Variants in WNK3 observed in about 807,000 individuals in gnomAD.
The protein encoded by WNK3 is WNK lysine deficient protein kinase 3, also known as serine/threonine-protein kinase WNK3.
WNK3 carries 18 observed loss-of-function variants against 116.7 expected under a neutral mutation model. The ratio of observed to expected loss-of-function variants is 0.15; its 90% CI spans 0.11 to 0.23. The LOEUF (loss-of-function observed/expected upper bound fraction) is 0.23. WNK3 is among the 10% of genes least tolerant of loss of function. WNK3 has a pLI of 1.00. For synonymous variants in WNK3, 404 were observed against 469.4 expected (o/e 0.86, Z 1.80); for missense variants, 993 against 1,323.8 (o/e 0.75, Z 3.88).
At chrX:54,256,030 G>A in intron 11 of WNK3, 143 bp from the exon 12 acceptor site, 1 of 455,568 alleles carries the variant, frequency 2.2e-6, no homozygotes, top group Non-Finnish European at 3.5e-6. Flanking sequence ...GCACAACTCT[G>A]TGAATATACT....
chrX:54,313,371 G>A (rs1248125370), intron 2 of WNK3, among the ~76,000 whole-genome samples: 1 of 104,107 alleles, frequency 9.6e-6, no homozygotes, highest in East Asian at 2.9e-4. Flanking sequence ...TTTTTTTTGA[G>A]ATAGAGTTTT....
chrX:54,241,649 A>G (rs1328608755), intron 17 of WNK3, among the ~76,000 whole-genome samples: 1 of 111,723 alleles, frequency 9.0e-6, no homozygotes, highest in Admixed American at 9.6e-5. Flanking sequence ...CAAACAAATG[A>G]AAAGCATAAG....
At chrX:54,306,731 T>TAC (rs2068829788) in intron 5 of WNK3, among the ~76,000 whole-genome samples, 1 of 111,012 alleles carries the variant, frequency 9.0e-6, no homozygotes, top group Non-Finnish European at 1.9e-5. Flanking sequence ...CCAGGGTAAC[T>TAC]ACAGTCGATA....
intron 23 of WNK3, among the ~76,000 whole-genome samples, chrX:54,200,162 A>G (rs1480692500): frequency 1.8e-5 from 2 of 112,147 alleles, no homozygotes; most frequent in Non-Finnish European, 3.8e-5. Context: ...ATTATAGCCT[A>G]TATCTTTCTT....
chrX:54,302,757 A>ATT (rs782811375), intron 5 of WNK3, among the ~76,000 whole-genome samples: 37 of 43,377 alleles, frequency 8.5e-4, no homozygotes, highest in African/African-American at 2.8e-3. Context: ...ATATATATAT[A>ATT]TTTTTTTTTT....
intron 22 of WNK3, among the ~76,000 whole-genome samples, chrX:54,206,838 T>C (rs1432110207): frequency 1.8e-5 from 2 of 111,584 alleles, no homozygotes; most frequent in Non-Finnish European, 3.8e-5. Context: ...GACACCAGCC[T>C]GACCAACATG....
chrX:54,343,854 T>C lies in WNK3; in HGVS notation c.-119-10062A>G, dbSNP rs1313888433. 1.0e-4 allele frequency among the ~76,000 whole-genome samples: 11 copies of C among 109,246 alleles called. No homozygotes were observed. In the Admixed American group the frequency reaches 1.1e-3, roughly 11 times the overall value. 94.9% of individuals were successfully genotyped at this position (109,246 alleles called of 115,157 possible). On this transcript the variant is annotated intron_variant, in intron 1 of 23. Transcript: ENST00000354646. ...TTTAATTTTTTTTGTAGAGATGAGGTCAAGCCACATTGCCCCGGCTCCTCT... is the reference window on the plus strand; with the variant it reads ...TTTAATTTTTTTTGTAGAGATGAGGCCAAGCCACATTGCCCCGGCTCCTCT...
rs782499802 is a variant in WNK3 at position 54,251,542 on chromosome X, T to C, written c.2513A>G (p.Asn838Ser). 3.3e-6 allele frequency: 4 copies of C among 1,210,968 alleles called. No homozygotes were observed. In the East Asian group the frequency reaches 8.9e-5, roughly 27 times the overall value. The change falls in exon 14 of 24, where the codon AAC (asparagine) becomes AGC (serine). Residue 838 changes from asparagine (N) to serine (S), a missense_variant. Physicochemically the swap from Asn to Ser is conservative, Grantham distance 46. Around this residue, in one of 4 missense-constraint regions of WNK3, gnomAD observed 836 missense variants for 976.5 expected, o/e 0.86. Coordinates refer to ENST00000354646, the Ensembl canonical transcript of WNK3. ...AACAATTGTTCTCACCTGGCTACTG[T>C]TGGAGTCCACAGTAATAGAATCAAC...
At chrX:54,202,897 A>G (rs2067516775) in intron 22 of WNK3, among the ~76,000 whole-genome samples, 1 of 110,765 alleles carries the variant, frequency 9.0e-6, no homozygotes, top group Admixed American at 9.7e-5. Flanking sequence ...AGCCACTTTT[A>G]TAATGGGAAA....
Position 54,293,334 on chromosome X carries a change from A to G in WNK3, c.1694-7T>C. The stretch of plus-strand genomic sequence containing the variant: ...GCCTCAGACAAATTGTCACCTATAA[A>G]AAAAGAAAATAAGTAACAGGTAGAA... On this transcript the variant is annotated splice_region_variant and splice_polypyrimidine_tract_variant and intron_variant, in intron 8 of 23. Transcript: ENST00000354646. 1 of 1,181,508 alleles carries G rather than the reference A, an allele frequency of 8.5e-7. No homozygotes were observed. The highest frequency in any genetic ancestry group is 1.1e-6 in the Non-Finnish European group (1 of 881,900).
chrX:54,294,788 G>C lies in WNK3; in HGVS notation c.1458C>G (p.Asp486Glu). 3.3e-6 allele frequency: 4 copies of C among 1,209,490 alleles called. No homozygotes were observed. The South Asian group carries it at 7.1e-5, about 21-fold the overall frequency. ...TTGTCTTCTTTATTGGCGTCACCCG[G>C]TCTCTAATGGATTTAGCAACAGCTT... The change falls in exon 8 of 24, where the codon GAC becomes GAG. Residue 486 changes from aspartate (D) to glutamate (E), a missense_variant. Coordinates refer to ENST00000354646, the Ensembl canonical transcript of WNK3.
chrX:54,292,094 A>C (rs1211530483), intron 10 of WNK3, among the ~76,000 whole-genome samples: 9 of 112,159 alleles, frequency 8.0e-5, no homozygotes, highest in African/African-American at 2.6e-4. Context: ...TGCTGACTTT[A>C]AGAGTCTGAA....
chrX:54,204,573 T>G (rs1226097798), intron 22 of WNK3, among the ~76,000 whole-genome samples: 1 of 112,534 alleles, frequency 8.9e-6, no homozygotes, highest in Non-Finnish European at 1.9e-5. Flanking sequence ...AATCCCAATT[T>G]TTCTAAGACA....
chrX:54,318,592 T>C (rs1557171506), intron 2 of WNK3, among the ~76,000 whole-genome samples: 2 of 108,582 alleles, frequency 1.8e-5, no homozygotes, highest in Non-Finnish European at 3.8e-5. Flanking sequence ...TCCTAGCTAC[T>C]TGGGAGGCTG....
intron 1 of WNK3, among the ~76,000 whole-genome samples, chrX:54,337,597 T>TAAATAAATAAAA (rs1162943338): frequency 1.8e-3 from 194 of 105,176 alleles, no homozygotes; most frequent in African/African-American, 4.9e-3. Flanking sequence ...AATAAATAAA[T>TAAATAAATAAAA]AAAATATTTG....
intron 11 of WNK3, among the ~76,000 whole-genome samples, chrX:54,257,789 CAAA>C (rs60655785): frequency 6.3e-3 from 99 of 15,631 alleles, no homozygotes; most frequent in African/African-American, 0.032. Flanking sequence ...GACTCTGCCT[CAAA>C]AAAAAAAAAA....
intron 10 of WNK3, among the ~76,000 whole-genome samples, chrX:54,276,491 T>C (rs1328546002): frequency 1.8e-5 from 2 of 111,546 alleles, no homozygotes; most frequent in Non-Finnish European, 3.8e-5. Flanking sequence ...TCAGTATCTG[T>C]CATGAACTTA....
At chrX:54,279,123 G>A (rs1461564448) in intron 10 of WNK3, among the ~76,000 whole-genome samples, 3 of 108,572 alleles carry the variant, frequency 2.8e-5, no homozygotes, top group African/African-American at 1.0e-4. Flanking sequence ...CATTAACATA[G>A]ATCACACTGA....
chrX:54,216,873 T>A (rs1377479406), intron 22 of WNK3, among the ~76,000 whole-genome samples: 4 of 111,449 alleles, frequency 3.6e-5, no homozygotes, highest in African/African-American at 9.8e-5. Context: ...AATAAATAAA[T>A]AAAAACAAAT....
Sources: allele counts gnomAD v4.1 joint callset (sites outside exome capture counted in the v4.1 genomes callset), GRCh38; gene constraint gnomAD v4.1.1; regional missense constraint gnomAD v4.1.1; transcripts MANE v1.5; gene names NCBI Gene and HGNC (gene_info 2026-07-23, HGNC 2026-07-21).